GPR158: variants seen among roughly 807,000 people sequenced by gnomAD.
GPR158 encodes metabotropic glycine receptor.
A neutral mutation model predicts 78.2 loss-of-function variants in GPR158; 30 were observed. That is an observed-to-expected ratio of 0.38 (90% CI 0.29 to 0.52). The LOEUF is 0.52. GPR158 is among the 20% of genes least tolerant of loss of function. GPR158 has a pLI of 0.83. For missense variants in GPR158, 1,463 were observed against 1,523.5 expected (o/e 0.96, Z 0.66); for synonymous variants, 581 against 591.1 (o/e 0.98, Z 0.25).
At chr10:25,461,755 T>A (rs1369670916) in intron 4 of GPR158, among the ~76,000 whole-genome samples, 1 of 145,194 alleles carries the variant, frequency 6.9e-6, no homozygotes. Flanking sequence ...TTTTTTGAGA[T>A]GGAGTCTTGC....
chr10:25,300,809 C>T (rs1463943383), intron 2 of GPR158, among the ~76,000 whole-genome samples: 1 of 151,826 alleles, frequency 6.6e-6, no homozygotes, highest in Non-Finnish European at 1.5e-5. Flanking sequence ...GAAATAGAAA[C>T]ATGGAAATAA....
chr10:25,445,975 A>G (rs577807417), intron 4 of GPR158, among the ~76,000 whole-genome samples: 74 of 152,290 alleles, frequency 4.9e-4, no homozygotes, highest in African/African-American at 1.7e-3. Context: ...AAGAGAGATC[A>G]GAACCAGAGA....
At chr10:25,215,602 A>T (rs2130675532) in intron 1 of GPR158, among the ~76,000 whole-genome samples, 1 of 152,338 alleles carries the variant, frequency 6.6e-6, no homozygotes, top group South Asian at 2.1e-4. Flanking sequence ...TGGGAGGCTG[A>T]GGCAGGTGGA....
chr10:25,252,009 A>T (rs1208453015), intron 2 of GPR158, among the ~76,000 whole-genome samples: 4 of 151,008 alleles, frequency 2.6e-5, no homozygotes, highest in East Asian at 3.9e-4. Context: ...GGCTTTGCTC[A>T]TTTCTTTTTA....
chr10:25,364,633 C>T (rs1209883760), intron 2 of GPR158, among the ~76,000 whole-genome samples: 1 of 151,808 alleles, frequency 6.6e-6, no homozygotes, highest in Non-Finnish European at 1.5e-5. Context: ...AAGAGTTTCT[C>T]AGTGTTCCTG....
At position 25,550,983 on chromosome 10, in the gene GPR158, T is replaced by G. The variant is rs1212276971; in HGVS notation, c.1412T>G (p.Ile471Ser). The G allele has an allele frequency of 6.3e-7, 1 of 1,577,644 alleles. No homozygotes were observed. The part of the protein sequence containing the change: ...GSLLLYFPVV[I>S]LYFEPSTFRC... ...TCTGTTTTCATCCCACAGGTTGTTA[T>G]TTTGTACTTTGAGCCAAGCACATTT... The change falls in exon 6 of 11, where the codon ATT becomes AGT. Residue 471 changes from isoleucine to serine, a missense_variant. Ile to Ser is a moderately radical substitution (Grantham distance 142). Transcript: ENST00000376351.
At chr10:25,437,808 G>A (rs1485783995) in intron 4 of GPR158, among the ~76,000 whole-genome samples, 1 of 152,202 alleles carries the variant, frequency 6.6e-6, no homozygotes, top group Non-Finnish European at 1.5e-5. Flanking sequence ...ATTCTTTCCA[G>A]AAGTGTGTCT....
intron 2 of GPR158, among the ~76,000 whole-genome samples, chr10:25,246,722 T>C (rs547296198): frequency 6.6e-6 from 1 of 152,264 alleles, no homozygotes; most frequent in African/African-American, 2.4e-5. Flanking sequence ...TTTAAAGCAA[T>C]TAATAATGAC....
At chr10:25,572,944 T>C in intron 7 of GPR158, 57 bp downstream of exon 7, 1 of 1,013,370 alleles carries the variant, frequency 9.9e-7, no homozygotes, top group Non-Finnish European at 1.6e-6. Context: ...GCATTACAAC[T>C]GACTTCTTTA....
chr10:25,220,687 A>G (rs749684958), intron 1 of GPR158, among the ~76,000 whole-genome samples: 3 of 152,214 alleles, frequency 2.0e-5, no homozygotes, highest in African/African-American at 4.8e-5. Context: ...CTTTATTTTA[A>G]TTTACTTTAC....
chr10:25,280,561 G>A (rs949051799), intron 2 of GPR158, among the ~76,000 whole-genome samples: 3 of 152,124 alleles, frequency 2.0e-5, no homozygotes, highest in Admixed American at 6.6e-5. Context: ...CAGACAATAA[G>A]GAAACAGAAG....
intron 2 of GPR158, among the ~76,000 whole-genome samples, chr10:25,379,992 T>C (rs1309454451): frequency 6.6e-6 from 1 of 152,138 alleles, no homozygotes; most frequent in African/African-American, 2.4e-5. Context: ...TCTTTTGTAT[T>C]TTATCCAGAT....
chr10:25,444,679 G>C (rs562448554), intron 4 of GPR158, among the ~76,000 whole-genome samples: 2 of 151,916 alleles, frequency 1.3e-5, no homozygotes, highest in African/African-American at 4.8e-5. Context: ...TGCTGAATGA[G>C]AGAATGGTAA....
At chr10:25,479,813 CTT>C (rs2130634688) in intron 5 of GPR158, among the ~76,000 whole-genome samples, 1 of 152,076 alleles carries the variant, frequency 6.6e-6, no homozygotes, top group African/African-American at 2.4e-5. Context: ...AAAAAATTAT[CTT>C]TATTTTTTTC....
At chr10:25,372,403 G>A (rs1408333883) in intron 2 of GPR158, among the ~76,000 whole-genome samples, 1 of 150,016 alleles carries the variant, frequency 6.7e-6, no homozygotes, top group Non-Finnish European at 1.5e-5. Flanking sequence ...AAAGACACAT[G>A]CACACATATG....
At chr10:25,595,250 A>G (rs1296218075) in intron 9 of GPR158, among the ~76,000 whole-genome samples, 1 of 152,196 alleles carries the variant, frequency 6.6e-6, no homozygotes, top group Non-Finnish European at 1.5e-5. Context: ...TGAAAAGTCT[A>G]AACCATTGTA....
At chr10:25,517,052 A>T (rs1836186340) in intron 5 of GPR158, among the ~76,000 whole-genome samples, 2 of 150,086 alleles carry the variant, frequency 1.3e-5, no homozygotes, top group South Asian at 4.1e-4. Context: ...TTCATTGAGC[A>T]GTGGCTTGTA....
At chr10:25,246,703 G>C (rs1015044799) in intron 2 of GPR158, among the ~76,000 whole-genome samples, 7 of 152,164 alleles carry the variant, frequency 4.6e-5, no homozygotes, top group African/African-American at 1.7e-4. Flanking sequence ...CTAAATACTA[G>C]ACCTGGCTTT....
In GPR158 at chr10:25,548,946, C is replaced by T. The variant is rs74712945; in HGVS notation, c.1405-2030C>T. Among the ~76,000 whole-genome samples the T allele has an allele frequency of 9.4e-3, 1,427 of 152,134 alleles. 11 individuals carry two copies. Among genetic ancestry groups the T allele is most frequent in the South Asian group, 0.013 (63 of 4,820 alleles). ...AGTTTGAAGGTATATCAGTAGTTCC[C>T]GGACAGCTCAAAAATGAGTATTTTT... On this transcript the variant is annotated intron_variant, in intron 5 of 10. Transcript: ENST00000376351.
Sources: gnomAD v4.1 joint callset for allele counts (sites outside exome capture counted in the v4.1 genomes callset) on GRCh38, gnomAD v4.1.1 for gene constraint, MANE v1.5 for transcripts, NCBI Gene and HGNC (gene_info 2026-07-23, HGNC 2026-07-21) for gene names.